The following PLA2G12B variants were observed in gnomAD, a reference collection of about 807,000 sequenced individuals.
PLA2G12B encodes phospholipase A2 group XIIB, also known as group XIIB secretory phospholipase A2-like protein.
PLA2G12B carries 19 observed loss-of-function variants against 22.3 expected under a neutral mutation model. The observed-to-expected ratio is 0.85, with a 90% CI of 0.60 to 1.25. The LOEUF is 1.25. Ranked by LOEUF, PLA2G12B falls within the 50% of genes most tolerant of loss-of-function variation. The pLI is 0.00. For synonymous variants in PLA2G12B, 81 were observed against 94.9 expected (o/e 0.85, Z 0.85); for missense variants, 191 against 246.6 (o/e 0.77, Z 1.51).
intron 1 of PLA2G12B, among the ~76,000 whole-genome samples, chr10:72,949,569 T>C (rs1417368106): frequency 6.6e-6 from 1 of 152,258 alleles, no homozygotes; most frequent in East Asian, 1.9e-4. Context: ...ATTAATATTA[T>C]ATTGTTACAA....
intron 3 of PLA2G12B, among the ~76,000 whole-genome samples, chr10:72,938,961 A>G (rs1433307847): frequency 6.6e-6 from 1 of 152,246 alleles, no homozygotes; most frequent in Admixed American, 6.6e-5. Flanking sequence ...GACATAGATC[A>G]GTGGAATAGA....
chr10:72,950,980 G>A (rs1329041151), intron 1 of PLA2G12B, among the ~76,000 whole-genome samples: 1 of 152,200 alleles, frequency 6.6e-6, no homozygotes, highest in Non-Finnish European at 1.5e-5. Flanking sequence ...TCCAGCCACT[G>A]GGATTTCTGG....
chr10:72,953,550 T>C (rs1028765428), intron 1 of PLA2G12B, among the ~76,000 whole-genome samples: 1 of 152,212 alleles, frequency 6.6e-6, no homozygotes, highest in Admixed American at 6.5e-5. Flanking sequence ...ATAAAACTAA[T>C]GCTACCTGAG....
intron 1 of PLA2G12B, among the ~76,000 whole-genome samples, chr10:72,949,966 GACTCC>G: frequency 6.6e-6 from 1 of 151,374 alleles, no homozygotes; most frequent in African/African-American, 2.4e-5. Context: ...GACAGAGGGA[GACTCC>G]GTCTCAAGAA....
At chr10:72,952,791 C>T (rs1182202746) in intron 1 of PLA2G12B, among the ~76,000 whole-genome samples, 1 of 152,156 alleles carries the variant, frequency 6.6e-6, no homozygotes, top group Non-Finnish European at 1.5e-5. Context: ...TTGCCTTTCT[C>T]TTCTATTTAC....
At chr10:72,944,365 C>A in intron 1 of PLA2G12B, among the ~76,000 whole-genome samples, 1 of 152,096 alleles carries the variant, frequency 6.6e-6, no homozygotes, top group East Asian at 1.9e-4. Context: ...TTTTAAAGCC[C>A]TCACTTCGTA....
chr10:72,940,478 A>AGGTG, intron 3 of PLA2G12B, among the ~76,000 whole-genome samples: 1 of 103,104 alleles, frequency 9.7e-6, no homozygotes, highest in East Asian at 3.6e-4. Context: ...TGGGAGGCTG[A>AGGTG]GGCGGGCAAC....
At chr10:72,945,246 G>A (rs1371129625) in intron 1 of PLA2G12B, among the ~76,000 whole-genome samples, 2 of 152,174 alleles carry the variant, frequency 1.3e-5, no homozygotes, top group Non-Finnish European at 2.9e-5. Flanking sequence ...AGAGAATACT[G>A]CAGAAGTGGA....
intron 1 of PLA2G12B, among the ~76,000 whole-genome samples, chr10:72,951,538 A>G (rs1264082014): frequency 6.7e-6 from 1 of 148,592 alleles, no homozygotes; most frequent in Non-Finnish European, 1.5e-5. Flanking sequence ...GCTCACTGCA[A>G]GCTCTGCCTC....
At chr10:72,938,448 GA>G (rs141911551) in intron 3 of PLA2G12B, among the ~76,000 whole-genome samples, 6 of 151,836 alleles carry the variant, frequency 4.0e-5, no homozygotes, top group East Asian at 3.9e-4. Flanking sequence ...TGGAATCCAT[GA>G]AAAAAAATAT....
At chr10:72,946,338 A>C (rs1005645703) in intron 1 of PLA2G12B, among the ~76,000 whole-genome samples, 1 of 152,114 alleles carries the variant, frequency 6.6e-6, no homozygotes, top group East Asian at 1.9e-4. Context: ...GACATACCAC[A>C]TTTTTTTACC....
intron 1 of PLA2G12B, among the ~76,000 whole-genome samples, chr10:72,945,183 C>A (rs1846419946): frequency 6.6e-6 from 1 of 152,194 alleles, no homozygotes; most frequent in Non-Finnish European, 1.5e-5. Flanking sequence ...ATGATCCCCA[C>A]CTCCTGGTAT....
Position 72,949,282 on chromosome 10 carries a change from A to T in PLA2G12B, c.211+5193T>A, listed in dbSNP as rs1023694233. On this transcript the variant is annotated intron_variant, in intron 1 of 3. Transcript: ENST00000373032. ...ATCTCGGACAGCAATAGTTCCTATC[A>T]CTCTTCTTTTAAATTTTGCCACTCT... Among the ~76,000 whole-genome samples the T allele has an allele frequency of 2.0e-5, 3 of 152,154 alleles. No homozygotes were observed. The South Asian group carries it at 6.2e-4, about 32-fold the overall frequency.
At chr10:72,954,161 T>G (rs140567894) in intron 1 of PLA2G12B, among the ~76,000 whole-genome samples, 2 of 151,850 alleles carry the variant, frequency 1.3e-5, no homozygotes, top group Non-Finnish European at 2.9e-5. Flanking sequence ...CACAACAAAC[T>G]CATTAAAATG....
At chr10:72,941,435 C>T (rs1271400810) in intron 2 of PLA2G12B, 101 bp from the exon 3 acceptor site, 1 of 1,182,778 alleles carries the variant, frequency 8.5e-7, no homozygotes, top group Non-Finnish European at 1.2e-6. Context: ...CTAGCTGGTT[C>T]TCACATTTCT....
At chr10:72,950,104 A>G (rs1846505670) in intron 1 of PLA2G12B, among the ~76,000 whole-genome samples, 1 of 152,244 alleles carries the variant, frequency 6.6e-6, no homozygotes, top group African/African-American at 2.4e-5. Flanking sequence ...ATTCTCCTGT[A>G]GAGAAGAACT....
chr10:72,948,867 C>A (rs1846483066), intron 1 of PLA2G12B, among the ~76,000 whole-genome samples: 1 of 152,118 alleles, frequency 6.6e-6, no homozygotes, highest in South Asian at 2.1e-4. Flanking sequence ...CTTAAAAGAC[C>A]AACTGGAGGG....
At chr10:72,936,148 T>C (rs1385214380) in intron 3 of PLA2G12B, among the ~76,000 whole-genome samples, 1 of 152,130 alleles carries the variant, frequency 6.6e-6, no homozygotes, top group Admixed American at 6.6e-5. Context: ...CAACCATTCA[T>C]TGATGGAAAA....
intron 1 of PLA2G12B, among the ~76,000 whole-genome samples, chr10:72,953,913 C>CA (rs1305765258): frequency 6.6e-6 from 1 of 152,218 alleles, no homozygotes; most frequent in African/African-American, 2.4e-5. Context: ...GAAAGTCCAG[C>CA]AAATTGATGC....
Sources: gnomAD v4.1 joint callset for allele counts (sites outside exome capture counted in the v4.1 genomes callset) on GRCh38, gnomAD v4.1.1 for gene constraint, MANE v1.5 for transcripts, NCBI Gene and HGNC (gene_info 2026-07-23, HGNC 2026-07-21) for gene names.